OSBPL10: variants seen among roughly 807,000 people sequenced by gnomAD.
OSBPL10 encodes oxysterol-binding protein-related protein 10.
In OSBPL10, 49 loss-of-function variants were observed where a neutral mutation model predicts 81.7. The ratio of observed to expected loss-of-function variants is 0.60; its 90% CI spans 0.48 to 0.76. The LOEUF (loss-of-function observed/expected upper bound fraction) is 0.76, where lower values mean the gene tolerates loss of function less well. Ranked by LOEUF, OSBPL10 falls within the 30% of genes least tolerant of loss-of-function variation. The pLI, the probability that OSBPL10 is intolerant of heterozygous loss-of-function variation, is 0.00. For missense variants in OSBPL10, 923 were observed against 987.8 expected (o/e 0.93, Z 0.88); for synonymous variants, 419 against 383.6 (o/e 1.09, Z -1.08).
intron 6 of OSBPL10, among the ~76,000 whole-genome samples, chr3:31,728,738 G>C (rs1696882476): frequency 2.0e-5 from 3 of 152,170 alleles, no homozygotes; most frequent in Non-Finnish European, 4.4e-5. Flanking sequence ...CCAAGGGCTG[G>C]GGGACAGATT....
At chr3:31,865,787 A>C (rs953722870) in intron 3 of OSBPL10, among the ~76,000 whole-genome samples, 11 of 152,256 alleles carry the variant, frequency 7.2e-5, no homozygotes, top group African/African-American at 2.7e-4. Context: ...TGCCACCAAA[A>C]TTCTGAGAAT....
At chr3:31,877,359 G>C (rs1431507870) in intron 2 of OSBPL10, among the ~76,000 whole-genome samples, 1 of 152,144 alleles carries the variant, frequency 6.6e-6, no homozygotes, top group Non-Finnish European at 1.5e-5. Context: ...TGCTGCCTTA[G>C]AGAGCCTCAA....
At chr3:31,956,168 C>T (rs1194171078) in intron 1 of OSBPL10, among the ~76,000 whole-genome samples, 1 of 152,146 alleles carries the variant, frequency 6.6e-6, no homozygotes, top group Non-Finnish European at 1.5e-5. Context: ...AAACAGCAAC[C>T]CTTCTAAATG....
chr3:32,022,289 G>C (rs1258742055), intron 2 of OSBPL10, among the ~76,000 whole-genome samples: 4 of 152,204 alleles, frequency 2.6e-5, no homozygotes, highest in Admixed American at 2.0e-4. Flanking sequence ...GGCATGTATT[G>C]CAGGGCACCA....
intron 1 of OSBPL10, among the ~76,000 whole-genome samples, chr3:31,956,069 G>A (rs796811323): frequency 2.0e-4 from 30 of 152,278 alleles, no homozygotes; most frequent in African/African-American, 7.0e-4. Flanking sequence ...ATTGATCTTG[G>A]TTCTCCCAGA....
intron 4 of OSBPL10, among the ~76,000 whole-genome samples, chr3:31,803,193 C>T (rs1274319498): frequency 6.6e-6 from 1 of 152,106 alleles, no homozygotes; most frequent in Non-Finnish European, 1.5e-5. Flanking sequence ...GTTCCACTTC[C>T]ACATGCCAAG....
chr3:31,719,489 T>C (rs1443384278), intron 6 of OSBPL10, among the ~76,000 whole-genome samples: 2 of 151,954 alleles, frequency 1.3e-5, no homozygotes, highest in Non-Finnish European at 2.9e-5. Flanking sequence ...TCATACATAA[T>C]TATAAAAAAG....
chr3:32,006,080 G>C (rs975924993), intron 2 of OSBPL10, among the ~76,000 whole-genome samples: 1 of 152,014 alleles, frequency 6.6e-6, no homozygotes, highest in East Asian at 1.9e-4. Flanking sequence ...AAGTAGCTGC[G>C]ATTACAGATG....
intron 4 of OSBPL10, among the ~76,000 whole-genome samples, chr3:31,760,235 G>A (rs986623516): frequency 6.6e-6 from 1 of 152,170 alleles, no homozygotes; most frequent in African/African-American, 2.4e-5. Context: ...AGAAGAGTTG[G>A]AGGAGGTGAA....
intron 4 of OSBPL10, among the ~76,000 whole-genome samples, chr3:31,750,406 G>C (rs990822226): frequency 1.3e-5 from 2 of 152,146 alleles, no homozygotes. Context: ...ATGAATCCAA[G>C]TTTCCCTCCT....
chr3:32,027,919 C>G (rs1366452611), intron 2 of OSBPL10, among the ~76,000 whole-genome samples: 1 of 152,188 alleles, frequency 6.6e-6, no homozygotes, highest in Non-Finnish European at 1.5e-5. Flanking sequence ...TTGATCTTTC[C>G]TGATAGAGGA....
At chr3:32,013,751 G>C (rs954366506) in intron 2 of OSBPL10, among the ~76,000 whole-genome samples, 1 of 152,164 alleles carries the variant, frequency 6.6e-6, no homozygotes, top group African/African-American at 2.4e-5. Context: ...AATAAAAAAT[G>C]ATAAAGTGGA....
intron 5 of OSBPL10, among the ~76,000 whole-genome samples, chr3:31,740,857 T>TTATATATATATATA (rs145097507): frequency 0.042 from 5,742 of 136,236 alleles, 214 homozygotes; most frequent in Non-Finnish European, 0.053. Flanking sequence ...CTACTAGAAT[T>TTATATATATATATA]TATATATATA....
intron 4 of OSBPL10, among the ~76,000 whole-genome samples, chr3:31,791,053 C>T (rs1244355603): frequency 6.6e-6 from 1 of 151,884 alleles, no homozygotes; most frequent in Non-Finnish European, 1.5e-5. Flanking sequence ...AGGTTTGATT[C>T]TGGTCCACTT....
intron 1 of OSBPL10, among the ~76,000 whole-genome samples, chr3:31,940,575 G>A (rs910547780): frequency 6.6e-6 from 1 of 152,094 alleles, no homozygotes; most frequent in African/African-American, 2.4e-5. Context: ...AAAGGCCTTT[G>A]GGATTTCATA....
chr3:32,026,213 C>T (rs1458235366), intron 2 of OSBPL10, among the ~76,000 whole-genome samples: 1 of 152,062 alleles, frequency 6.6e-6, no homozygotes, highest in African/African-American at 2.4e-5. Flanking sequence ...TCATAGTTCA[C>T]TGTAACCTTA....
chr3:31,747,054 G>A (rs1697548676), intron 5 of OSBPL10, among the ~76,000 whole-genome samples: 2 of 152,070 alleles, frequency 1.3e-5, no homozygotes, highest in Admixed American at 6.6e-5. Flanking sequence ...AAGAAGTGGG[G>A]CCAGGCACAG....
intron 3 of OSBPL10, among the ~76,000 whole-genome samples, chr3:31,856,069 TACACACACACACACACACACACAC>T (rs10576489): frequency 3.0e-5 from 4 of 134,446 alleles, no homozygotes; most frequent in South Asian, 2.6e-4. Flanking sequence ...ATGTTTATAT[TACACACACACACACACACACACAC>T]ACACACACAC....
At chr3:31,878,246 G>A (rs1189664735) in intron 2 of OSBPL10, among the ~76,000 whole-genome samples, 1 of 152,182 alleles carries the variant, frequency 6.6e-6, no homozygotes, top group Non-Finnish European at 1.5e-5. Flanking sequence ...AAATTAGTTG[G>A]ATATTTCTTT....
Sources: allele counts gnomAD v4.1 joint callset (sites outside exome capture counted in the v4.1 genomes callset), GRCh38; gene constraint gnomAD v4.1.1; transcripts MANE v1.5; gene names NCBI Gene and HGNC (gene_info 2026-07-23, HGNC 2026-07-21).